The following CDK19 variants were observed in gnomAD, a reference collection of about 807,000 sequenced individuals.
CDK19 encodes cyclin-dependent kinase 19.
A neutral mutation model predicts 68.3 loss-of-function variants in CDK19; 20 were observed. That is an observed-to-expected ratio of 0.29 (90% CI 0.21 to 0.43). CDK19 has a LOEUF of 0.43. Ranked by LOEUF, CDK19 falls within the 20% of genes least tolerant of loss-of-function variation. CDK19 has a pLI of 1.00. For synonymous variants in CDK19, 221 were observed against 222.8 expected, an observed-to-expected ratio of 0.99 and a Z score of 0.07; for missense variants, 339 against 623.5, an observed-to-expected ratio of 0.54 and a Z score of 4.86.
intron 2 of CDK19, among the ~76,000 whole-genome samples, chr6:110,728,145 G>A (rs887080549): frequency 1.2e-4 from 18 of 151,876 alleles, no homozygotes; most frequent in Non-Finnish European, 1.5e-4. Flanking sequence ...AAAATTAGCC[G>A]GGCATGGTGG....
At chr6:110,708,093 C>T (rs1055916921) in intron 2 of CDK19, among the ~76,000 whole-genome samples, 4 of 152,066 alleles carry the variant, frequency 2.6e-5, no homozygotes, top group African/African-American at 9.7e-5. Context: ...GATAAAAATA[C>T]CCAAAAGAGG....
intron 4 of CDK19, among the ~76,000 whole-genome samples, chr6:110,639,363 G>A (rs927474599): frequency 6.6e-5 from 10 of 152,208 alleles, no homozygotes; most frequent in Non-Finnish European, 1.3e-4. Context: ...GGCTTTGGAA[G>A]GGGGAGAGAG....
At chr6:110,755,630 C>T (rs1192021793) in intron 1 of CDK19, among the ~76,000 whole-genome samples, 1 of 152,086 alleles carries the variant, frequency 6.6e-6, no homozygotes, top group South Asian at 2.1e-4. Flanking sequence ...TATATCCAAG[C>T]AATTAGCCAA....
chr6:110,673,547 A>C (rs1016311755), intron 2 of CDK19, among the ~76,000 whole-genome samples: 7 of 152,178 alleles, frequency 4.6e-5, no homozygotes, highest in Non-Finnish European at 4.4e-5. Context: ...TAAAAAAAAA[A>C]AAACTTTTTT....
intron 1 of CDK19, among the ~76,000 whole-genome samples, chr6:110,807,758 G>A (rs1782782081): frequency 6.6e-6 from 1 of 151,968 alleles, no homozygotes; most frequent in Non-Finnish European, 1.5e-5. Context: ...ACCGCGCCCA[G>A]CCACATTGTA....
intron 12 of CDK19, among the ~76,000 whole-genome samples, chr6:110,616,002 A>T (rs1257537699): frequency 3.3e-5 from 5 of 151,876 alleles, no homozygotes; most frequent in Non-Finnish European, 5.9e-5. Context: ...CTTTGATTGC[A>T]TCCCCAACCA....
At chr6:110,689,251 C>T (rs1772768849) in intron 2 of CDK19, among the ~76,000 whole-genome samples, 1 of 152,166 alleles carries the variant, frequency 6.6e-6, no homozygotes, top group Non-Finnish European at 1.5e-5. Context: ...CGCTGCTTTC[C>T]TTGCATGCAG....
intron 6 of CDK19, among the ~76,000 whole-genome samples, chr6:110,631,053 T>C (rs1202133736): frequency 1.3e-5 from 2 of 152,250 alleles, no homozygotes; most frequent in African/African-American, 4.8e-5. Flanking sequence ...AGGTTTTTCA[T>C]AAGCTTGTTT....
In CDK19 at chr6:110,622,782, G is replaced by C. The variant is rs112680365; in HGVS notation, c.1031+33C>G. ...ACCACCATGCAGCCTCCTCAGCCTG[G>C]AGCAAAGGACACAGAAAAGACAGGA... On this transcript the variant is annotated intron_variant, in intron 10 of 12. Coordinates refer to ENST00000368911, the MANE Select transcript of CDK19 (RefSeq NM_015076.5). The C allele has an allele frequency of 1.2e-3, 1,679 of 1,361,262 alleles. 11 individuals carry two copies. In the African/African-American group the frequency reaches 0.02, roughly 17 times the overall value. 84.3% of individuals were successfully genotyped at this position (1,361,262 alleles called of 1,614,324 possible).
intron 1 of CDK19, among the ~76,000 whole-genome samples, chr6:110,787,561 G>C (rs151156568): frequency 6.6e-6 from 1 of 151,616 alleles, no homozygotes; most frequent in African/African-American, 2.4e-5. Flanking sequence ...ATTCTCCAAC[G>C]TCAGCCTCAC....
chr6:110,613,996 G>A lies in CDK19; in HGVS notation c.*539C>T, dbSNP rs907208113. 6.6e-6 allele frequency: 1 copy of A among 152,610 alleles called. No individual in the cohort carries two copies. Among genetic ancestry groups the A allele is most frequent in the Non-Finnish European group, 1.5e-5 (1 of 68,042 alleles). The allele number at this position is 152,610 out of a possible 1,614,324, so 9.5% of individuals were successfully genotyped here. On this transcript the variant is annotated 3_prime_UTR_variant, in exon 13 of 13. Transcript: ENST00000368911. ...AAACTAGATAAATACGAACGTAATA[G>A]TAAAGTACTTTGGGACAGTAACAGT...
At chr6:110,661,185 C>A (rs1781595282) in intron 4 of CDK19, among the ~76,000 whole-genome samples, 1 of 152,210 alleles carries the variant, frequency 6.6e-6, no homozygotes, top group African/African-American at 2.4e-5. Context: ...AATCACTGAA[C>A]TTACAATGGA....
intron 1 of CDK19, among the ~76,000 whole-genome samples, chr6:110,796,988 C>T (rs1290627473): frequency 2.6e-4 from 36 of 135,974 alleles, no homozygotes; most frequent in Admixed American, 1.0e-3. Context: ...CCAGCCGAGG[C>T]AACAGAGCAA....
intron 2 of CDK19, among the ~76,000 whole-genome samples, chr6:110,710,204 A>G (rs1167109976): frequency 6.6e-6 from 1 of 152,206 alleles, no homozygotes; most frequent in Non-Finnish European, 1.5e-5. Context: ...AGCCAACTCA[A>G]CCAAACACAG....
intron 4 of CDK19, chr6:110,646,468 G>A: frequency 1.3e-6 from 2 of 1,487,044 alleles, no homozygotes; most frequent in Admixed American, 4.5e-5. Flanking sequence ...CTGAGGCCCA[G>A]AAGGCGGAGC....
chr6:110,703,144 T>A (rs146613939), intron 2 of CDK19, among the ~76,000 whole-genome samples: 4 of 152,106 alleles, frequency 2.6e-5, no homozygotes, highest in Admixed American at 6.6e-5. Flanking sequence ...GAAACCAGCA[T>A]TTCCCCCACC....
At chr6:110,640,074 A>C (rs1337947990) in intron 4 of CDK19, among the ~76,000 whole-genome samples, 1 of 152,028 alleles carries the variant, frequency 6.6e-6, no homozygotes, top group Non-Finnish European at 1.5e-5. Flanking sequence ...TTTTTAAAAT[A>C]GCCTAGTGTG....
At chr6:110,751,507 C>T (rs889952797) in intron 1 of CDK19, among the ~76,000 whole-genome samples, 5 of 152,002 alleles carry the variant, frequency 3.3e-5, no homozygotes, top group Non-Finnish European at 5.9e-5. Context: ...GCTGATTCTA[C>T]GTTATGGTGA....
intron 10 of CDK19, among the ~76,000 whole-genome samples, chr6:110,622,380 G>A (rs1778776039): frequency 6.6e-6 from 1 of 152,148 alleles, no homozygotes. Flanking sequence ...AACTTAATTT[G>A]TATTTGCCTT....
Sources: allele counts gnomAD v4.1 joint callset (sites outside exome capture counted in the v4.1 genomes callset), GRCh38; gene constraint gnomAD v4.1.1; transcripts MANE v1.5; gene names NCBI Gene and HGNC (gene_info 2026-07-23, HGNC 2026-07-21).